The following TEAD4 variants were observed in gnomAD, a reference collection of about 807,000 sequenced individuals.
TEAD4 encodes TEA domain transcription factor 4, also known as transcriptional enhancer factor TEF-3.
Under a neutral mutation model 52.4 loss-of-function variants are expected in TEAD4, and 36 were observed. That is an observed-to-expected ratio of 0.69 (90% CI 0.53 to 0.91). The LOEUF (loss-of-function observed/expected upper bound fraction) is 0.91, where lower values mean the gene tolerates loss of function less well. TEAD4 is among the 40% of genes least tolerant of loss of function. The pLI is 0.00. For synonymous variants in TEAD4, 220 were observed against 231.0 expected, an observed-to-expected ratio of 0.95 and a Z score of 0.43; for missense variants, 508 against 583.9, an observed-to-expected ratio of 0.87 and a Z score of 1.34.
At chr12:3,021,503 G>C (rs894555827) in intron 9 of TEAD4, among the ~76,000 whole-genome samples, 6 of 151,996 alleles carry the variant, frequency 3.9e-5, no homozygotes, top group African/African-American at 1.4e-4. Context: ...TAGAGACTGG[G>C]TTTCACCATG....
intron 2 of TEAD4, among the ~76,000 whole-genome samples, chr12:2,963,553 A>AG (rs2098217615): frequency 2.0e-5 from 3 of 152,260 alleles, no homozygotes; most frequent in South Asian, 2.1e-4. Context: ...GCCCAGGTGG[A>AG]GGTGGGGGCA....
intron 10 of TEAD4, among the ~76,000 whole-genome samples, chr12:3,037,245 G>C (rs140794798): frequency 2.6e-5 from 4 of 152,140 alleles, no homozygotes; most frequent in Non-Finnish European, 5.9e-5. Context: ...TCAATGAGAC[G>C]GTGAAGTGAC....
At chr12:2,997,812 G>GC (rs1555124145) in intron 3 of TEAD4, among the ~76,000 whole-genome samples, 1 of 150,944 alleles carries the variant, frequency 6.6e-6, no homozygotes, top group African/African-American at 2.4e-5. Context: ...TTTCGGGGGG[G>GC]GGGTGTGTGT....
At chr12:3,031,470 G>T (rs2098275496) in intron 10 of TEAD4, among the ~76,000 whole-genome samples, 1 of 152,178 alleles carries the variant, frequency 6.6e-6, no homozygotes, top group Admixed American at 6.5e-5. Flanking sequence ...GTGATATTCT[G>T]TGTTCTTCTA....
chr12:3,040,525 C>T lies in TEAD4; in HGVS notation c.*47C>T, dbSNP rs371210680. ...GGGGAAGAGACGTGTGTGCAGGAAA[C>T]GGGGACGTGGGGAGGGGACCTGCAG... On this transcript the variant is annotated 3_prime_UTR_variant, in exon 13 of 13. Coordinates refer to ENST00000359864, the MANE Select transcript of TEAD4 (RefSeq NM_003213.4). 9.1e-5 allele frequency: 142 copies of T among 1,561,252 alleles called. 1 individual carries two copies. The highest frequency in any genetic ancestry group is 6.9e-4 in the South Asian group (61 of 88,830).
intron 3 of TEAD4, among the ~76,000 whole-genome samples, chr12:3,003,658 G>A (rs371391502): frequency 5.5e-4 from 84 of 152,304 alleles, no homozygotes; most frequent in African/African-American, 1.9e-3. Flanking sequence ...GTGGGGCCGT[G>A]GGTGTGAGCT....
rs943934278 is a variant in TEAD4 at position 3,010,923 on chromosome 12, C to T, written c.227-81C>T. The T allele has an allele frequency of 4.4e-5, 67 of 1,517,376 alleles. No individual in the cohort carries two copies. In the Middle Eastern group the frequency reaches 6.9e-4, roughly 16 times the overall value. The allele number at this position is 1,517,376 out of a possible 1,614,324, so 94.0% of individuals were successfully genotyped here. On this transcript the variant is annotated intron_variant, in intron 3 of 12. Coordinates refer to ENST00000359864, the MANE Select transcript of TEAD4 (RefSeq NM_003213.4). ...GCAGAGAGTGAGGGCAGGGCTCCTC[C>T]GCAGAAGGTACCCCGCACCCCCTCA...
chr12:3,040,336 A>G, intron 12 of TEAD4, 29 bp from the exon 13 acceptor site: 14 of 1,614,028 alleles, frequency 8.7e-6, no homozygotes, highest in Non-Finnish European at 1.1e-5. Context: ...CTGGGGCCTT[A>G]TTAACCCTTG....
intron 2 of TEAD4, among the ~76,000 whole-genome samples, chr12:2,974,486 G>A (rs1428254938): frequency 6.6e-6 from 1 of 152,192 alleles, no homozygotes; most frequent in Non-Finnish European, 1.5e-5. Flanking sequence ...CAGAGCCATG[G>A]CCCAGTCCAG....
At chr12:3,021,053 C>T (rs542074489) in intron 9 of TEAD4, among the ~76,000 whole-genome samples, 5 of 152,112 alleles carry the variant, frequency 3.3e-5, no homozygotes, top group East Asian at 1.9e-4. Flanking sequence ...CTAACCCAAC[C>T]GACCCTTAGT....
chr12:2,964,646 AT>A (rs2098218755), intron 2 of TEAD4, among the ~76,000 whole-genome samples: 1 of 92,532 alleles, frequency 1.1e-5, no homozygotes, highest in Admixed American at 1.1e-4. Flanking sequence ...TTTTTTTTGT[AT>A]TTTTAACAGA....
chr12:2,978,486 C>T (rs1365381830), intron 2 of TEAD4, among the ~76,000 whole-genome samples: 5 of 151,334 alleles, frequency 3.3e-5, no homozygotes, highest in Non-Finnish European at 7.4e-5. Context: ...GATCTTGGCT[C>T]GCTGCCTCCG....
intron 2 of TEAD4, among the ~76,000 whole-genome samples, chr12:2,973,552 G>A (rs903535388): frequency 6.6e-6 from 1 of 152,306 alleles, no homozygotes; most frequent in African/African-American, 2.4e-5. Context: ...GTGCAAGATG[G>A]GACCAGGAAT....
chr12:2,987,712 G>A (rs1315767723), intron 2 of TEAD4, among the ~76,000 whole-genome samples: 3 of 150,206 alleles, frequency 2.0e-5, no homozygotes, highest in East Asian at 2.1e-4. Flanking sequence ...CTGAGCCACC[G>A]TGCCCAGCCT....
rs568705804 is a variant in TEAD4 at position 3,010,232 on chromosome 12, A to G, written c.227-772A>G. Among the ~76,000 whole-genome samples, 5 of 152,388 alleles carry G rather than the reference A, an allele frequency of 3.3e-5. No individual in the cohort carries two copies. In the East Asian group the frequency reaches 9.6e-4, roughly 29 times the overall value. On this transcript the variant is annotated intron_variant, in intron 3 of 12. Coordinates refer to ENST00000359864, the MANE Select transcript of TEAD4 (RefSeq NM_003213.4). The stretch of plus-strand genomic sequence containing the variant: ...CCCCTGGATTCCATTGTGTGGGCAC[A>G]TGCCGCTCCTGAACTAGGTAATGCT...
chr12:3,001,794 G>A (rs553110445), intron 3 of TEAD4, among the ~76,000 whole-genome samples: 1 of 147,430 alleles, frequency 6.8e-6, no homozygotes, highest in African/African-American at 2.5e-5. Flanking sequence ...AAAAAAAGTG[G>A]AATCAGGCCA....
chr12:2,997,521 G>A (rs867371683), intron 3 of TEAD4, among the ~76,000 whole-genome samples: 2 of 151,170 alleles, frequency 1.3e-5, no homozygotes, highest in African/African-American at 4.9e-5. Context: ...TGTAGCTTAG[G>A]TGTGAAATGA....
chr12:2,975,143 C>G (rs4766016), intron 2 of TEAD4, among the ~76,000 whole-genome samples: 122,788 of 146,694 alleles, frequency 0.84, 52,184 homozygotes, highest in Middle Eastern at 0.91. Context: ...GAAGAAAGGC[C>G]CCGAGGAGAA....
In TEAD4 at chr12:2,959,614, C is replaced by A. The variant is rs2098213515; in HGVS notation, c.-123+133C>A. On this transcript the variant is annotated intron_variant, in intron 1 of 12. Coordinates refer to ENST00000359864, the MANE Select transcript of TEAD4 (RefSeq NM_003213.4). The surrounding 1 kb of genome is among the most constrained non-coding windows in gnomAD (Gnocchi z 5.1). The stretch of plus-strand genomic sequence containing the variant: ...CCGCCGCCCGCGTTCCCGCCTTGGA[C>A]CTCTGCGCTCCGACGCGCTCCGTCC... The A allele has an allele frequency of 6.6e-6, 1 of 151,054 alleles. No homozygotes were observed. Among genetic ancestry groups the A allele is most frequent in the South Asian group, 2.0e-4 (1 of 5,030 alleles). The allele number at this position is 151,054 out of a possible 1,614,324, so 9.4% of individuals were successfully genotyped here.
Sources: allele counts gnomAD v4.1 joint callset (sites outside exome capture counted in the v4.1 genomes callset), GRCh38; gene constraint gnomAD v4.1.1; non-coding constraint Gnocchi (gnomAD v3.1); transcripts MANE v1.5; gene names NCBI Gene and HGNC (gene_info 2026-07-23, HGNC 2026-07-21).